Variants in RIMBP2 observed in about 807,000 individuals in gnomAD.
RIMBP2 encodes RIMS binding protein 2.
In RIMBP2, 48 loss-of-function variants were observed where a neutral mutation model predicts 118.6. The ratio of observed to expected loss-of-function variants is 0.40; its 90% CI spans 0.32 to 0.51. The LOEUF (loss-of-function observed/expected upper bound fraction) is 0.51, where lower values mean the gene tolerates loss of function less well. Among genes scored for constraint, RIMBP2 ranks in the 20% least tolerant of loss-of-function variants. The probability of loss-of-function intolerance (pLI) is 0.41; values close to 1 mark genes in which losing one functional copy is unlikely to be tolerated. For missense variants in RIMBP2, 1,551 were observed against 1,768.3 expected (o/e 0.88, Z 2.20); for synonymous variants, 762 against 742.9 (o/e 1.03, Z -0.42).
At chr12:130,464,225 T>C (rs1348400011) in intron 6 of RIMBP2, among the ~76,000 whole-genome samples, 1 of 152,280 alleles carries the variant, frequency 6.6e-6, no homozygotes, top group East Asian at 1.9e-4. Context: ...TTCGCCTTCC[T>C]CTACGGACTC....
chr12:130,584,686 C>CCATTACATCATCACTATCACAAG, intron 2 of RIMBP2, among the ~76,000 whole-genome samples: 1 of 152,324 alleles, frequency 6.6e-6, no homozygotes, highest in Admixed American at 6.5e-5. Flanking sequence ...ACTATCACAA[C>CCATTACATCATCACTATCACAAG]CATTACATCA....
At position 130,442,257 on chromosome 12, in the gene RIMBP2, G is replaced by C. The variant is rs2078194161; in HGVS notation, c.1095C>G (p.Ser365Arg). Residue 365 changes from serine (S) to arginine (R), a missense_variant, in exon 11 of 23, where the codon AGC becomes AGG. By Grantham distance (110) the Ser-to-Arg change is moderately radical (BLOSUM62 -1). Coordinates refer to ENST00000690449, the MANE Select transcript of RIMBP2 (RefSeq NM_001393629.1). The surrounding 1 kb of genome is among the most constrained non-coding windows in gnomAD (Gnocchi z 6.9). ...GCTTCTCGATGAGGGCTTTAGTTCTGCTCCCCAGCGTGAGGTTCATGCGTG... is the reference window on the plus strand; with the variant it reads ...GCTTCTCGATGAGGGCTTTAGTTCTCCTCCCCAGCGTGAGGTTCATGCGTG... Reference protein sequence around the residue: ...KETRMNLTLGSRTKALIEKLN... With the variant: ...KETRMNLTLGRRTKALIEKLN... The C allele has an allele frequency of 6.2e-7, 1 of 1,614,110 alleles. No homozygotes were observed. Among genetic ancestry groups the C allele is most frequent in the Non-Finnish European group, 8.5e-7 (1 of 1,180,060 alleles).
chr12:130,503,082 C>A (rs2049953716), intron 4 of RIMBP2, among the ~76,000 whole-genome samples: 1 of 152,076 alleles, frequency 6.6e-6, no homozygotes, highest in Admixed American at 6.6e-5. Context: ...TACATTTTCT[C>A]TTGTACAAGT....
intron 1 of RIMBP2, among the ~76,000 whole-genome samples, chr12:130,712,839 G>A (rs1449198347): frequency 2.0e-5 from 3 of 152,080 alleles, no homozygotes; most frequent in Non-Finnish European, 4.4e-5. Flanking sequence ...GAGCAGCTAC[G>A]ACAGCCACAC....
At chr12:130,436,756 C>A in intron 13 of RIMBP2, 86 bp downstream of exon 13, 1 of 1,133,882 alleles carries the variant, frequency 8.8e-7, no homozygotes. Flanking sequence ...ATGCGGGTCC[C>A]CCTCCATGGG....
intron 10 of RIMBP2, among the ~76,000 whole-genome samples, chr12:130,443,775 G>A (rs1479186613): frequency 6.6e-6 from 1 of 152,162 alleles, no homozygotes; most frequent in Non-Finnish European, 1.5e-5. Flanking sequence ...GATGGTGACG[G>A]TGATGATGAT....
At chr12:130,461,620 G>A (rs997828846) in intron 6 of RIMBP2, among the ~76,000 whole-genome samples, 4 of 152,176 alleles carry the variant, frequency 2.6e-5, no homozygotes, top group African/African-American at 9.7e-5. Flanking sequence ...GGCGGGAGGT[G>A]TCTGGGTCCT....
chr12:130,470,297 C>A (rs181090700), intron 6 of RIMBP2: 49 of 172,728 alleles, frequency 2.8e-4, no homozygotes, highest in African/African-American at 1.1e-3. Flanking sequence ...TCATCAGAGA[C>A]CAGGATGGCC....
At chr12:130,674,315 G>A (rs1051300980) in intron 1 of RIMBP2, among the ~76,000 whole-genome samples, 7 of 152,134 alleles carry the variant, frequency 4.6e-5, no homozygotes, top group Non-Finnish European at 8.8e-5. Flanking sequence ...TACGGCTGGT[G>A]GAACCATGAG....
At chr12:130,711,193 A>G (rs996266842) in intron 1 of RIMBP2, among the ~76,000 whole-genome samples, 1 of 152,216 alleles carries the variant, frequency 6.6e-6, no homozygotes, top group African/African-American at 2.4e-5. Flanking sequence ...CAGTGAGCTG[A>G]GATCATGACA....
chr12:130,567,765 T>TC (rs948971287), intron 2 of RIMBP2, among the ~76,000 whole-genome samples: 38 of 152,178 alleles, frequency 2.5e-4, no homozygotes, highest in African/African-American at 8.4e-4. Flanking sequence ...TCCCACCTCT[T>TC]CCCCCTGGTC....
At chr12:130,514,865 G>T (rs2051279341) in intron 3 of RIMBP2, among the ~76,000 whole-genome samples, 1 of 151,084 alleles carries the variant, frequency 6.6e-6, no homozygotes, top group African/African-American at 2.4e-5. Flanking sequence ...CTAATTGGAG[G>T]GTCAGGATAT....
At chr12:130,534,165 TAAAAA>T (rs35683242) in intron 2 of RIMBP2, among the ~76,000 whole-genome samples, 1 of 95,216 alleles carries the variant, frequency 1.1e-5, no homozygotes, top group African/African-American at 4.2e-5. Flanking sequence ...AACTCCATCT[TAAAAA>T]AAAAAAAAAA....
At chr12:130,673,127 C>T (rs1291849106) in intron 1 of RIMBP2, among the ~76,000 whole-genome samples, 2 of 152,220 alleles carry the variant, frequency 1.3e-5, no homozygotes, top group Admixed American at 6.5e-5. Flanking sequence ...TCCTGAAGGA[C>T]CAGGACTTGG....
At position 130,710,130 on chromosome 12, in the gene RIMBP2, A is replaced by G. The variant is rs1949800084; in HGVS notation, c.-352+6092T>C. On this transcript the variant is annotated intron_variant, in intron 1 of 22. Transcript: ENST00000690449. The surrounding 1 kb of genome is among the most constrained non-coding windows in gnomAD (Gnocchi z 4.3). ...CTGTGGTCCCAGCTGCTCCAAAAAC[A>G]CCCAAGGAGCAATTTCTGCACATAC... Among the ~76,000 whole-genome samples the G allele has an allele frequency of 1.3e-5, 2 of 152,064 alleles. No homozygotes were observed. Among genetic ancestry groups the G allele is most frequent in the Non-Finnish European group, 2.9e-5 (2 of 68,004 alleles).
At chr12:130,479,081 C>G (rs1466134933) in intron 4 of RIMBP2, 65 bp from the exon 5 acceptor site, 9 of 1,329,860 alleles carry the variant, frequency 6.8e-6, no homozygotes, top group Non-Finnish European at 5.2e-6. Flanking sequence ...GCATCCTATA[C>G]CCTGCACCAA....
intron 2 of RIMBP2, among the ~76,000 whole-genome samples, chr12:130,568,414 G>A (rs2057388824): frequency 6.6e-6 from 1 of 152,198 alleles, no homozygotes; most frequent in Non-Finnish European, 1.5e-5. Flanking sequence ...GTAACCCTAA[G>A]TCAGCTCCTA....
intron 6 of RIMBP2, among the ~76,000 whole-genome samples, chr12:130,463,163 G>C (rs1479429917): frequency 6.6e-6 from 1 of 152,212 alleles, no homozygotes; most frequent in Non-Finnish European, 1.5e-5. Flanking sequence ...CCGTGGTCCT[G>C]CCCCAGGCAG....
chr12:130,411,284 A>G (rs73457126), intron 19 of RIMBP2, among the ~76,000 whole-genome samples: 2,014 of 152,242 alleles, frequency 0.013, 44 homozygotes, highest in African/African-American at 0.046. Context: ...GTAGATTTCC[A>G]TGTCATCTGT....
Sources: gnomAD v4.1 joint callset for allele counts (sites outside exome capture counted in the v4.1 genomes callset) on GRCh38, gnomAD v4.1.1 for gene constraint, Gnocchi (gnomAD v3.1) non-coding constraint, MANE v1.5 for transcripts, NCBI Gene and HGNC (gene_info 2026-07-23, HGNC 2026-07-21) for gene names.